Variants in ZFYVE28 observed in about 807,000 individuals in gnomAD.
ZFYVE28 encodes lateral signaling target protein 2 homolog.
Under a neutral mutation model 82.1 loss-of-function variants are expected in ZFYVE28, and 40 were observed. The ratio of observed to expected loss-of-function variants is 0.49; its 90% CI spans 0.38 to 0.63. The LOEUF (loss-of-function observed/expected upper bound fraction) is 0.63. ZFYVE28 is among the 30% of genes least tolerant of loss of function. The probability of loss-of-function intolerance (pLI) is 0.00; values close to 1 mark genes in which losing one functional copy is unlikely to be tolerated. For missense variants in ZFYVE28, 1,321 were observed against 1,242.1 expected (o/e 1.06, Z -0.96); for synonymous variants, 612 against 546.1 (o/e 1.12, Z -1.68).
chr4:2,321,606 G>A (rs1719086142), intron 6 of ZFYVE28, among the ~76,000 whole-genome samples: 1 of 151,950 alleles, frequency 6.6e-6, no homozygotes, highest in African/African-American at 2.4e-5. Flanking sequence ...CAGTATTCAG[G>A]GGACAATTAC....
intron 6 of ZFYVE28, chr4:2,330,408 A>G: frequency 9.7e-7 from 1 of 1,033,406 alleles, no homozygotes; most frequent in Non-Finnish European, 1.2e-6. Flanking sequence ...TGCAGAGGAG[A>G]GGACAGCACG....
At chr4:2,274,972 G>C (rs1172625144) in intron 8 of ZFYVE28, among the ~76,000 whole-genome samples, 1 of 144,032 alleles carries the variant, frequency 6.9e-6, no homozygotes, top group East Asian at 1.9e-4. Flanking sequence ...CCAGGGCTTA[G>C]GCCAGTTTGC....
At chr4:2,380,703 C>G (rs1041364626) in intron 1 of ZFYVE28, among the ~76,000 whole-genome samples, 4 of 152,172 alleles carry the variant, frequency 2.6e-5, no homozygotes, top group African/African-American at 9.7e-5. Context: ...CCATACTGTT[C>G]TCGTGTGAAT....
intron 1 of ZFYVE28, among the ~76,000 whole-genome samples, chr4:2,414,737 G>A (rs1181546111): frequency 6.6e-6 from 1 of 152,132 alleles, no homozygotes; most frequent in Non-Finnish European, 1.5e-5. Context: ...AAGTGTCCAG[G>A]TCCCTCTCCC....
At chr4:2,410,728 C>T (rs535707569) in intron 1 of ZFYVE28, among the ~76,000 whole-genome samples, 14 of 152,234 alleles carry the variant, frequency 9.2e-5, no homozygotes, top group Middle Eastern at 3.4e-3. Flanking sequence ...ATCTCCTGAC[C>T]TCGTGATCCG....
rs1361397360 is a variant in ZFYVE28, at chr4:2,339,614, C to T, written c.360G>A (p.Glu120=). 3.1e-6 allele frequency: 5 copies of T among 1,610,400 alleles called. No homozygotes were observed. In the East Asian group the frequency reaches 6.7e-5, roughly 22 times the overall value. ...TGGCCAGCGGGCGCATGGCCATGCT[C>T]TCCAGCTCCCGGTTCATGATGATGG... ...AGSIIMNREL[E]SMAMRPLAKE... is the part of the protein sequence containing the mutation. Residue 120 remains glutamate, a synonymous_variant, in exon 4 of 13, where the codon GAG becomes GAA. Transcript: ENST00000290974. This position sits in a 1 kb window ranked among gnomAD's most constrained non-coding sequence, Gnocchi z 5.0.
At position 2,356,430 on chromosome 4, in the gene ZFYVE28, C is replaced by T. The variant is rs567315930; in HGVS notation, c.40-2357G>A. Among the ~76,000 whole-genome samples the T allele has an allele frequency of 8.1e-3, 261 of 32,278 alleles. 2 individuals carry two copies. The highest frequency in any genetic ancestry group is 0.021 in the African/African-American group (254 of 11,974). The allele number at this position is 32,278 out of a possible 152,430, so 21.2% of individuals were successfully genotyped here. A position where few individuals can be genotyped will look rare whatever the true frequency, so the allele number is the denominator to read the frequency against. On this transcript the variant is annotated intron_variant, in intron 1 of 12. Transcript: ENST00000290974. ...CCCCCCGGCAGTTGGTGTGCCCGCC[C>T]CCTCCCCGGCCGTTGATGTGCCTGC... is the stretch of plus-strand genomic sequence containing the variant.
chr4:2,274,296 A>G, intron 8 of ZFYVE28, 80 bp from the exon 9 acceptor site: 1 of 1,522,100 alleles, frequency 6.6e-7, no homozygotes, highest in Non-Finnish European at 8.8e-7. Context: ...TGGTCAAGAC[A>G]AAAGTCTGTG....
At chr4:2,405,773 C>T (rs886214830) in intron 1 of ZFYVE28, among the ~76,000 whole-genome samples, 4 of 152,206 alleles carry the variant, frequency 2.6e-5, no homozygotes, top group East Asian at 1.9e-4. Context: ...ACTGGCTGGG[C>T]GCAGTGGCTC....
At chr4:2,377,989 C>T (rs1186317724) in intron 1 of ZFYVE28, among the ~76,000 whole-genome samples, 1 of 152,224 alleles carries the variant, frequency 6.6e-6, no homozygotes, top group Non-Finnish European at 1.5e-5. Context: ...CTGTAGACAA[C>T]TGTAACACAA....
chr4:2,413,534 G>A (rs1732737008), intron 1 of ZFYVE28, among the ~76,000 whole-genome samples: 1 of 151,936 alleles, frequency 6.6e-6, no homozygotes, highest in African/African-American at 2.4e-5. Flanking sequence ...CGTGCCAGGC[G>A]CCCGCCAGGA....
chr4:2,378,366 A>G (rs896991801), intron 1 of ZFYVE28, among the ~76,000 whole-genome samples: 1 of 152,222 alleles, frequency 6.6e-6, no homozygotes, highest in Non-Finnish European at 1.5e-5. Flanking sequence ...TATCGTTATC[A>G]TAACTTATGG....
At position 2,300,516 on chromosome 4, in the gene ZFYVE28, C is replaced by A. The variant is rs1284244766; in HGVS notation, c.2051+3773G>T. On this transcript the variant is annotated intron_variant, in intron 8 of 12. Coordinates refer to ENST00000290974, the MANE Select transcript of ZFYVE28 (RefSeq NM_020972.3). The surrounding 1 kb of genome is among the most constrained non-coding windows in gnomAD (Gnocchi z 4.6). ...ATGTCCGGACTCCCAGGTGACAGCA[C>A]CTGAGGAAACGCTCCAGAGAGGGGC... Among the ~76,000 whole-genome samples the A allele has an allele frequency of 6.6e-6, 1 of 152,148 alleles. No individual in the cohort carries two copies. Among genetic ancestry groups the A allele is most frequent in the Non-Finnish European group, 1.5e-5 (1 of 68,038 alleles).
Position 2,305,500 on chromosome 4 carries a change from G to A in ZFYVE28, c.840C>T (p.His280=). The change falls in exon 8 of 13, where the codon CAC becomes CAT. Residue 280 remains histidine, a synonymous_variant. Transcript: ENST00000290974. ...AAATGCAGAGGTTCCGTTCCAGCGT[G>A]TGCAGCTCCTCCTCCGTCAGCGTCT... ...LLQTLTEEEL[H]TLERNLCISQ... 6.2e-7 allele frequency: 1 copy of A among 1,613,004 alleles called. No individual in the cohort carries two copies. The highest frequency in any genetic ancestry group is 8.5e-7 in the Non-Finnish European group (1 of 1,180,038).
intron 12 of ZFYVE28, 190 bp from the exon 13 acceptor site, chr4:2,271,046 G>A (rs1379683451): frequency 3.6e-6 from 3 of 836,932 alleles, no homozygotes; most frequent in Non-Finnish European, 5.5e-6. Flanking sequence ...CTGCACCAAG[G>A]CTGCTGCAGG....
At position 2,320,396 on chromosome 4, in the gene ZFYVE28, C is replaced by T. The variant is rs146012779; in HGVS notation, c.702-125G>A. ...ACTCTGCAGCGCCACTGTCCCAGCACGGCCGCCGCCTCATGCTTTGCCTTG... is the reference window on the plus strand; with the variant it reads ...ACTCTGCAGCGCCACTGTCCCAGCATGGCCGCCGCCTCATGCTTTGCCTTG... On this transcript the variant is annotated intron_variant, in intron 6 of 12. Coordinates refer to ENST00000290974, the MANE Select transcript of ZFYVE28 (RefSeq NM_020972.3). This position sits in a 1 kb window ranked among gnomAD's most constrained non-coding sequence, Gnocchi z 5.1. 1.0e-3 allele frequency: 726 copies of T among 693,078 alleles called. 5 individuals are homozygous for T. The Middle Eastern group carries it at 0.025, about 24-fold the overall frequency. 42.9% of individuals were successfully genotyped at this position (693,078 alleles called of 1,614,324 possible). A position where few individuals can be genotyped will look rare whatever the true frequency, so the allele number is the denominator to read the frequency against.
intron 7 of ZFYVE28, among the ~76,000 whole-genome samples, chr4:2,319,258 A>AT (rs1293113312): frequency 3.3e-5 from 5 of 152,086 alleles, no homozygotes; most frequent in Non-Finnish European, 5.9e-5. Flanking sequence ...CAGGGCTCAC[A>AT]TCCCCCCAAG....
chr4:2,352,470 C>G (rs552620876), intron 2 of ZFYVE28, among the ~76,000 whole-genome samples: 1 of 151,726 alleles, frequency 6.6e-6, no homozygotes, highest in South Asian at 2.1e-4. Flanking sequence ...CAGTGGGATA[C>G]GAGATGAGCC....
intron 1 of ZFYVE28, among the ~76,000 whole-genome samples, chr4:2,377,451 G>A (rs1364072280): frequency 6.6e-6 from 1 of 152,160 alleles, no homozygotes; most frequent in African/African-American, 2.4e-5. Flanking sequence ...TTTCCTCCGA[G>A]TTCCCTTTTC....
Sources: gnomAD v4.1 joint callset for allele counts (sites outside exome capture counted in the v4.1 genomes callset) on GRCh38, gnomAD v4.1.1 for gene constraint, Gnocchi (gnomAD v3.1) non-coding constraint, MANE v1.5 for transcripts, NCBI Gene and HGNC (gene_info 2026-07-23, HGNC 2026-07-21) for gene names.